Variants in CLSTN1 observed in about 807,000 individuals in gnomAD.
The protein encoded by CLSTN1 is calsyntenin-1.
CLSTN1 carries 28 observed loss-of-function variants against 108.3 expected under a neutral mutation model. The observed-to-expected ratio is 0.26, with a 90% CI of 0.19 to 0.35. The LOEUF is 0.35. Ranked by LOEUF, CLSTN1 falls within the 10% of genes least tolerant of loss-of-function variation. The probability of loss-of-function intolerance (pLI) is 1.00; values close to 1 mark genes in which losing one functional copy is unlikely to be tolerated. For synonymous variants in CLSTN1, 524 were observed against 534.9 expected (o/e 0.98, Z 0.28); for missense variants, 1,157 against 1,302.6 (o/e 0.89, Z 1.72).
chr1:9,744,483 G>T lies in CLSTN1; in HGVS notation c.1146C>A (p.Pro382=). ...ACACCGAGATGGTGAACGGCTCTTT[G>T]GGGCTGACCGACACGACGCCATCCG... ...RIPDGVVSVS[P]KEPFTISVWM... Residue 382 remains proline, a synonymous_variant, in exon 8 of 19, where the codon CCC becomes CCA. Transcript: ENST00000377298. 6.2e-7 allele frequency: 1 copy of T among 1,611,860 alleles called. No homozygotes were observed. The highest frequency in any genetic ancestry group is 8.5e-7 in the Non-Finnish European group (1 of 1,179,936).
At chr1:9,737,647 A>AT (rs1650764518) in intron 10 of CLSTN1, 93 bp from the exon 11 acceptor site, 1 of 1,082,680 alleles carries the variant, frequency 9.2e-7, no homozygotes. Context: ...GCAACCAACT[A>AT]TAAAACATGA....
intron 4 of CLSTN1, among the ~76,000 whole-genome samples, chr1:9,752,594 G>A (rs1651605496): frequency 6.6e-6 from 1 of 152,132 alleles, no homozygotes; most frequent in Non-Finnish European, 1.5e-5. Context: ...GGCCGGGTGT[G>A]GTGGCTCACA....
intron 2 of CLSTN1, among the ~76,000 whole-genome samples, chr1:9,760,908 G>C (rs1357103572): frequency 6.6e-6 from 1 of 151,826 alleles, no homozygotes; most frequent in Non-Finnish European, 1.5e-5. Context: ...CCTAAACTCA[G>C]CCTCTCTCAA....
intron 2 of CLSTN1, among the ~76,000 whole-genome samples, chr1:9,758,124 G>C (rs1325422732): frequency 6.6e-6 from 1 of 152,008 alleles, no homozygotes; most frequent in Non-Finnish European, 1.5e-5. Flanking sequence ...TTCCTCAGTA[G>C]CTGGGATTAC....
intron 7 of CLSTN1, among the ~76,000 whole-genome samples, chr1:9,745,239 A>C (rs1039771620): frequency 6.6e-6 from 1 of 152,104 alleles, no homozygotes; most frequent in Non-Finnish European, 1.5e-5. Context: ...AAAAAAAAAA[A>C]AAAAAAACAA....
At chr1:9,773,178 T>C in intron 2 of CLSTN1, 94 bp downstream of exon 2, 1 of 1,542,912 alleles carries the variant, frequency 6.5e-7, no homozygotes, top group Non-Finnish European at 8.9e-7. Context: ...ATGGAGACAT[T>C]TTCAGAAACG....
At chr1:9,792,226 C>T (rs1199368365) in intron 1 of CLSTN1, among the ~76,000 whole-genome samples, 3 of 151,014 alleles carry the variant, frequency 2.0e-5, no homozygotes, top group African/African-American at 7.3e-5. Context: ...AAAAAACAGG[C>T]CAGGCACCAA....
chr1:9,747,217 A>G (rs1186998903), intron 7 of CLSTN1, among the ~76,000 whole-genome samples: 4 of 150,142 alleles, frequency 2.7e-5, no homozygotes, highest in Non-Finnish European at 5.9e-5. Context: ...CCTGGTGCAT[A>G]GTAAGCACTC....
chr1:9,731,955 G>A (rs1650424103), intron 16 of CLSTN1, 59 bp from the exon 17 acceptor site: 2 of 1,605,484 alleles, frequency 1.2e-6, no homozygotes, highest in East Asian at 4.5e-5. Context: ...TCCAAGAGGT[G>A]ACAGTGGAGT....
chr1:9,742,062 T>C (rs1049643046), intron 9 of CLSTN1, among the ~76,000 whole-genome samples: 1 of 152,240 alleles, frequency 6.6e-6, no homozygotes, highest in Admixed American at 6.5e-5. Context: ...TCCCATCCTG[T>C]GATGAACGAG....
chr1:9,744,128 C>A lies in CLSTN1; in HGVS notation c.1235-123G>T, dbSNP rs77043633. ...GCATAAATGAACTCTTCGGCTAAGC[C>A]AAGGCAGGGCTTAGAAACAAATACA... On this transcript the variant is annotated intron_variant, in intron 8 of 18. Coordinates refer to ENST00000377298, the MANE Select transcript of CLSTN1 (RefSeq NM_001009566.3). The A allele has an allele frequency of 3.4e-3, 4,603 of 1,356,380 alleles. 96 individuals are homozygous for A. The East Asian group carries it at 0.048, about 14-fold the overall frequency. 84.0% of individuals were successfully genotyped at this position (1,356,380 alleles called of 1,614,324 possible).
At chr1:9,731,991 C>T in intron 16 of CLSTN1, 95 bp from the exon 17 acceptor site, 1 of 1,469,550 alleles carries the variant, frequency 6.8e-7, no homozygotes, top group South Asian at 1.2e-5. Context: ...ACCAGTGCCA[C>T]TCAGAGTGGC....
At chr1:9,732,463 C>T (rs893564883) in intron 16 of CLSTN1, among the ~76,000 whole-genome samples, 1 of 152,204 alleles carries the variant, frequency 6.6e-6, no homozygotes, top group Non-Finnish European at 1.5e-5. Flanking sequence ...GAAGCACTGG[C>T]GTAGACCTTT....
At chr1:9,818,777 CTTTTTTTTTTTTT>C (rs1156483241) in intron 1 of CLSTN1, among the ~76,000 whole-genome samples, 9 of 98,076 alleles carry the variant, frequency 9.2e-5, no homozygotes, top group East Asian at 5.3e-4. Flanking sequence ...TCAAGCAACT[CTTTTTTTTTTTTT>C]TTTTTTTTTT....
chr1:9,766,290 A>T (rs979608456), intron 2 of CLSTN1, among the ~76,000 whole-genome samples: 1 of 152,202 alleles, frequency 6.6e-6, no homozygotes. Context: ...AACAGAATGC[A>T]TCATCTTCAA....
intron 2 of CLSTN1, among the ~76,000 whole-genome samples, chr1:9,771,976 C>A (rs1299224548): frequency 6.6e-6 from 1 of 151,162 alleles, no homozygotes. Context: ...ACAAATAGAA[C>A]ACTTTTTTTT....
Position 9,823,735 on chromosome 1 carries a change from GC to G in CLSTN1, c.-3del. The G allele has an allele frequency of 1.9e-6, 2 of 1,056,776 alleles. No homozygotes were observed. The highest frequency in any genetic ancestry group is 5.4e-5 in the Admixed American group (1 of 18,362). 65.5% of individuals were successfully genotyped at this position (1,056,776 alleles called of 1,614,324 possible). ...CGCGGGAGCGGGGCGGCGCAGCATC[GC>G]CAGCCCGGGGCGGGAGCGGCAGGGA... On this transcript the variant is annotated 5_prime_UTR_variant, in exon 1 of 19. Coordinates refer to ENST00000377298, the MANE Select transcript of CLSTN1 (RefSeq NM_001009566.3). The surrounding 1 kb of genome is among the most constrained non-coding windows in gnomAD (Gnocchi z 6.3).
At chr1:9,759,727 A>G (rs901107239) in intron 2 of CLSTN1, among the ~76,000 whole-genome samples, 1 of 152,236 alleles carries the variant, frequency 6.6e-6, no homozygotes, top group African/African-American at 2.4e-5. Context: ...CCCAAAGCTT[A>G]AAATAGTCCC....
chr1:9,791,539 C>G (rs984265488), intron 1 of CLSTN1, among the ~76,000 whole-genome samples: 1 of 147,822 alleles, frequency 6.8e-6, no homozygotes, highest in Non-Finnish European at 1.5e-5. Flanking sequence ...CGGCCCAAAT[C>G]CTTTTTTTTT....
Sources: allele counts gnomAD v4.1 joint callset (sites outside exome capture counted in the v4.1 genomes callset), GRCh38; gene constraint gnomAD v4.1.1; non-coding constraint Gnocchi (gnomAD v3.1); transcripts MANE v1.5; gene names NCBI Gene and HGNC (gene_info 2026-07-23, HGNC 2026-07-21).